TVP23B: variants seen among roughly 807,000 people sequenced by gnomAD.
TVP23B encodes the protein trans-golgi network vesicle protein 23 homolog B.
In TVP23B, 10 loss-of-function variants were observed where a neutral mutation model predicts 30.6. That is an observed-to-expected ratio of 0.33 (90% CI 0.20 to 0.55). TVP23B has a LOEUF of 0.55. Ranked by LOEUF, TVP23B falls within the 20% of genes least tolerant of loss-of-function variation. The probability of loss-of-function intolerance (pLI) is 0.91; values close to 1 mark genes in which losing one functional copy is unlikely to be tolerated. For missense variants in TVP23B, 153 were observed against 243.2 expected (o/e 0.63, Z 2.47); for synonymous variants, 67 against 83.1 (o/e 0.81, Z 1.06).
chr17:18,791,187 G>GTTTTTTTTTTTTTTTTTTTTT (rs762889436), intron 3 of TVP23B, 147 bp downstream of exon 3: 1 of 109,174 alleles, frequency 9.2e-6, no homozygotes, highest in African/African-American at 4.9e-5. Context: ...ATTGCATGTA[G>GTTTTTTTTTTTTTTTTTTTTT]TTTTTTTTTT....
intron 1 of TVP23B, among the ~76,000 whole-genome samples, chr17:18,786,581 C>G (rs961733689): frequency 2.6e-5 from 4 of 152,196 alleles, no homozygotes; most frequent in Admixed American, 2.0e-4. Flanking sequence ...TCTTGCTGTA[C>G]GTTATGATCA....
intron 1 of TVP23B, 175 bp from the exon 2 acceptor site, chr17:18,789,178 G>A (rs1484599846): frequency 7.0e-6 from 7 of 993,792 alleles, no homozygotes; most frequent in Non-Finnish European, 1.0e-5. Flanking sequence ...TTTGCCAGAT[G>A]ATTTGAGGAG....
intron 2 of TVP23B, among the ~76,000 whole-genome samples, chr17:18,789,850 T>G (rs1355778769): frequency 6.6e-6 from 1 of 152,250 alleles, no homozygotes; most frequent in Non-Finnish European, 1.5e-5. Flanking sequence ...CCTGCTAAAA[T>G]GCTGTCTTTT....
chr17:18,794,422 T>C (rs2036044405), intron 3 of TVP23B, among the ~76,000 whole-genome samples: 1 of 152,234 alleles, frequency 6.6e-6, no homozygotes, highest in Admixed American at 6.5e-5. Context: ...AACTACTACA[T>C]ATCTTGGGTT....
intron 3 of TVP23B, among the ~76,000 whole-genome samples, chr17:18,794,774 C>CT (rs71155357): frequency 7.1e-4 from 102 of 144,450 alleles, no homozygotes; most frequent in South Asian, 3.7e-3. Context: ...CTTGCCAGCT[C>CT]TTTTTTTTTT....
At chr17:18,803,830 T>C (rs2036205683) in intron 5 of TVP23B, among the ~76,000 whole-genome samples, 1 of 152,108 alleles carries the variant, frequency 6.6e-6, no homozygotes, top group Non-Finnish European at 1.5e-5. Context: ...CACAGACCAA[T>C]GGGAAACAGA....
chr17:18,801,925 C>T (rs1327740705), intron 5 of TVP23B, among the ~76,000 whole-genome samples: 1 of 152,132 alleles, frequency 6.6e-6, no homozygotes, highest in Non-Finnish European at 1.5e-5. Context: ...CAGCCTACAG[C>T]ATAAATGGGT....
At chr17:18,801,588 G>C (rs1201088036) in intron 5 of TVP23B, among the ~76,000 whole-genome samples, 2 of 152,022 alleles carry the variant, frequency 1.3e-5, no homozygotes, top group Admixed American at 1.3e-4. Flanking sequence ...GCCTGGTTTT[G>C]CGTTCTCTTC....
intron 3 of TVP23B, among the ~76,000 whole-genome samples, chr17:18,793,869 G>C (rs1274608122): frequency 6.6e-6 from 1 of 151,988 alleles, no homozygotes; most frequent in Non-Finnish European, 1.5e-5. Context: ...CCAAACAAAA[G>C]ATCTAACAAC....
chr17:18,798,996 T>C, intron 5 of TVP23B, 53 bp downstream of exon 5: 2 of 1,570,308 alleles, frequency 1.3e-6, no homozygotes, highest in Admixed American at 3.8e-5. Flanking sequence ...CTGATGGTAA[T>C]CATAGGAAGC....
In TVP23B at chr17:18,805,835, C is replaced by T. The variant is rs955803849; in HGVS notation, c.*268C>T. On this transcript the variant is annotated 3_prime_UTR_variant, in exon 7 of 7. Transcript: ENST00000307767. ...TATGCACATTCCATAGGTATGCACA[C>T]GGCCATGTAATATCAGTATATCCCA... 8.7e-5 allele frequency: 110 copies of T among 1,260,050 alleles called. No individual in the cohort carries two copies. The highest frequency in any genetic ancestry group is 1.0e-4 in the Non-Finnish European group (101 of 999,024). The allele number at this position is 1,260,050 out of a possible 1,614,324, so 78.1% of individuals were successfully genotyped here. A position where few individuals can be genotyped will look rare whatever the true frequency, so the allele number is the denominator to read the frequency against.
At chr17:18,802,840 A>G (rs536691893) in intron 5 of TVP23B, among the ~76,000 whole-genome samples, 3 of 152,194 alleles carry the variant, frequency 2.0e-5, no homozygotes, top group Admixed American at 6.5e-5. Context: ...ATGTTGATAT[A>G]TACATACCCA....
intron 1 of TVP23B, among the ~76,000 whole-genome samples, chr17:18,783,803 C>T (rs901176413): frequency 6.6e-6 from 1 of 152,198 alleles, no homozygotes; most frequent in Non-Finnish European, 1.5e-5. Flanking sequence ...TCCTTTTAAA[C>T]GTTTGCTCAC....
rs1323793772 is a variant in TVP23B, at chr17:18,806,099, TG to T, written c.*533del. The T allele has an allele frequency of 1.0e-6, 1 of 968,856 alleles. No individual in the cohort carries two copies. The highest frequency in any genetic ancestry group is 1.2e-6 in the Non-Finnish European group (1 of 815,044). 60.0% of individuals were successfully genotyped at this position (968,856 alleles called of 1,614,324 possible). ...TTCGTGGGGAAATTTCTTAGACGTATGCAAGCAAGTGAAAACAATTAGGGCC... is the reference window on the plus strand; with the variant it reads ...TTCGTGGGGAAATTTCTTAGACGTATCAAGCAAGTGAAAACAATTAGGGCC... On this transcript the variant is annotated 3_prime_UTR_variant, in exon 7 of 7. Coordinates refer to ENST00000307767, the MANE Select transcript of TVP23B (RefSeq NM_016078.6).
intron 1 of TVP23B, among the ~76,000 whole-genome samples, chr17:18,785,836 A>C (rs1230492748): frequency 6.6e-6 from 1 of 152,012 alleles, no homozygotes; most frequent in African/African-American, 2.4e-5. Context: ...CCTGTGTCAA[A>C]AAAAAAAAAT....
chr17:18,797,856 A>G (rs1454654731), intron 4 of TVP23B, among the ~76,000 whole-genome samples, 188 bp downstream of exon 4: 1 of 152,204 alleles, frequency 6.6e-6, no homozygotes, highest in African/African-American at 2.4e-5. Context: ...AGAAACAAGC[A>G]ATATACAGAA....
rs1449006224 is a variant in TVP23B, at chr17:18,781,184, T to C, written c.-110T>C. 4 of 1,511,948 alleles carry C rather than the reference T, an allele frequency of 2.6e-6. No homozygotes were observed. Among genetic ancestry groups the C allele is most frequent in the Admixed American group, 2.1e-5 (1 of 47,288 alleles). 93.7% of individuals were successfully genotyped at this position (1,511,948 alleles called of 1,614,324 possible). A position where few individuals can be genotyped will look rare whatever the true frequency, so the allele number is the denominator to read the frequency against. On this transcript the variant is annotated 5_prime_UTR_variant, in exon 1 of 7. Transcript: ENST00000307767. ...CGGAAGTGAGGCCGGACTGAGGCTC[T>C]TACAGTGGTCCCTGCTGGCCCTTGG...
At position 18,790,975 on chromosome 17, in the gene TVP23B, A is replaced by C; in HGVS notation, c.175A>C (p.Ser59Arg). ...CTATCTTCTCTGTGGGTTGCTCAGC[A>C]GCAGCTTTATTACCTGTATGGTGAC... ...IVYLLCGLLS[S>R]SFITCMVTII... The change falls in exon 3 of 7, where the codon AGC becomes CGC. Residue 59 changes from serine to arginine, a missense_variant. Ser to Arg is a moderately radical substitution (Grantham distance 110, BLOSUM62 -1). Around this residue, in one of 3 missense-constraint regions of TVP23B, gnomAD observed 53 missense variants for 128.0 expected, o/e 0.41. Transcript: ENST00000307767. The C allele has an allele frequency of 6.2e-7, 1 of 1,612,644 alleles. No homozygotes were observed. The highest frequency in any genetic ancestry group is 8.5e-7 in the Non-Finnish European group (1 of 1,179,580).
chr17:18,802,784 C>T (rs1401760710), intron 5 of TVP23B, among the ~76,000 whole-genome samples: 1 of 152,162 alleles, frequency 6.6e-6, no homozygotes, highest in Non-Finnish European at 1.5e-5. Flanking sequence ...AAATCGATGC[C>T]TTAGCAGGAC....
Sources: allele counts gnomAD v4.1 joint callset (sites outside exome capture counted in the v4.1 genomes callset), GRCh38; gene constraint gnomAD v4.1.1; regional missense constraint gnomAD v4.1.1; transcripts MANE v1.5; gene names NCBI Gene and HGNC (gene_info 2026-07-23, HGNC 2026-07-21).